Variants in MARK3 observed in about 807,000 individuals in gnomAD.
MARK3 encodes microtubule affinity regulating kinase 3.
In MARK3, 46 loss-of-function variants were observed where a neutral mutation model predicts 90.1. The observed-to-expected ratio is 0.51, with a 90% CI of 0.40 to 0.65. The LOEUF (loss-of-function observed/expected upper bound fraction) is 0.65. Ranked by LOEUF, MARK3 falls within the 30% of genes least tolerant of loss-of-function variation. The pLI is 0.00. For missense variants in MARK3, 818 were observed against 947.2 expected (o/e 0.86, Z 1.79); for synonymous variants, 321 against 332.6 (o/e 0.97, Z 0.38).
intron 2 of MARK3, among the ~76,000 whole-genome samples, chr14:103,426,378 A>G (rs984601057): frequency 1.3e-5 from 2 of 152,016 alleles, no homozygotes; most frequent in South Asian, 2.1e-4. Flanking sequence ...AAAGTGTAAA[A>G]GGGACCAAAA....
At chr14:103,481,753 A>ATTTTTTTTTT (rs1555400573) in intron 14 of MARK3, among the ~76,000 whole-genome samples, 10 of 51,016 alleles carry the variant, frequency 2.0e-4, no homozygotes, top group South Asian at 6.4e-4. Context: ...TGATATAGGT[A>ATTTTTTTTTT]TTTCTTTTTT....
rs1172672081 is a variant in MARK3 at position 103,448,980 on chromosome 14, T to A, written c.346+13T>A. The stretch of plus-strand genomic sequence containing the variant: ...CATCCCAATATAGGTACTTTCTGCT[T>A]TTTTAAATATTTTGGGGTCTAAATA... On this transcript the variant is annotated intron_variant, in intron 4 of 17. Transcript: ENST00000429436. 2 of 1,562,492 alleles carry A rather than the reference T, an allele frequency of 1.3e-6. No homozygotes were observed. The highest frequency in any genetic ancestry group is 1.7e-6 in the Non-Finnish European group (2 of 1,148,078).
intron 4 of MARK3, among the ~76,000 whole-genome samples, chr14:103,450,913 TGTG>T: frequency 8.6e-6 from 1 of 115,722 alleles, no homozygotes; most frequent in Non-Finnish European, 1.8e-5. Context: ...TGTGTGTGTG[TGTG>T]TATTCTTTTT....
intron 1 of MARK3, 39 bp downstream of exon 1, chr14:103,386,119 G>GTGGC (rs1566743468): frequency 6.3e-7 from 1 of 1,594,760 alleles, no homozygotes; most frequent in Non-Finnish European, 8.6e-7. Context: ...GACCTTCGGG[G>GTGGC]TGGCATTCGT....
intron 1 of MARK3, among the ~76,000 whole-genome samples, chr14:103,398,126 A>G (rs914580180): frequency 2.6e-5 from 4 of 152,176 alleles, no homozygotes; most frequent in African/African-American, 7.2e-5. Flanking sequence ...AGAGGTGCAC[A>G]TGTTAATTTT....
chr14:103,450,959 C>T (rs1481991402), intron 4 of MARK3, among the ~76,000 whole-genome samples: 2 of 107,918 alleles, frequency 1.9e-5, no homozygotes, highest in African/African-American at 7.2e-5. Context: ...GAGACAGGGT[C>T]TAGCTCTGTT....
intron 12 of MARK3, among the ~76,000 whole-genome samples, chr14:103,473,570 A>G (rs1345568865): frequency 6.6e-6 from 1 of 152,186 alleles, no homozygotes; most frequent in Non-Finnish European, 1.5e-5. Flanking sequence ...TTTTTGTTTT[A>G]TATGTTAAAA....
chr14:103,488,384 A>C (rs1270535728), intron 14 of MARK3, among the ~76,000 whole-genome samples: 1 of 152,174 alleles, frequency 6.6e-6, no homozygotes, highest in Non-Finnish European at 1.5e-5. Context: ...TGTGGGGCCT[A>C]GAGTTACTTC....
At chr14:103,392,652 A>G (rs1357846861) in intron 1 of MARK3, among the ~76,000 whole-genome samples, 4 of 152,312 alleles carry the variant, frequency 2.6e-5, no homozygotes, top group South Asian at 4.1e-4. Flanking sequence ...TTGAGTTTTC[A>G]GGTTCCATGA....
intron 1 of MARK3, among the ~76,000 whole-genome samples, chr14:103,394,491 A>G (rs1158630085): frequency 2.0e-5 from 3 of 152,054 alleles, no homozygotes; most frequent in South Asian, 2.1e-4. Flanking sequence ...CTAGCACTAC[A>G]CTCTAGCCAC....
intron 1 of MARK3, among the ~76,000 whole-genome samples, chr14:103,403,391 A>G (rs146252191): frequency 1.1e-3 from 172 of 151,164 alleles, no homozygotes; most frequent in African/African-American, 3.1e-3. Flanking sequence ...TAAATATTCA[A>G]TGAATGAATG....
At chr14:103,459,477 T>C (rs1171595139) in intron 6 of MARK3, among the ~76,000 whole-genome samples, 1 of 152,070 alleles carries the variant, frequency 6.6e-6, no homozygotes, top group East Asian at 1.9e-4. Flanking sequence ...GTTTCCACTT[T>C]TCTGTTTCAA....
At chr14:103,430,110 G>A (rs2092536612) in intron 3 of MARK3, among the ~76,000 whole-genome samples, 1 of 152,096 alleles carries the variant, frequency 6.6e-6, no homozygotes, top group Non-Finnish European at 1.5e-5. Context: ...ATTTGCATCT[G>A]AATTAATTTT....
chr14:103,467,270 T>G, intron 11 of MARK3, 79 bp downstream of exon 11: 1 of 647,642 alleles, frequency 1.5e-6, no homozygotes, highest in East Asian at 2.9e-5. Context: ...GTTTTTATCT[T>G]TTGAATATTT....
intron 13 of MARK3, among the ~76,000 whole-genome samples, chr14:103,478,648 T>A (rs1460688319): frequency 1.3e-5 from 2 of 150,336 alleles, no homozygotes; most frequent in African/African-American, 2.5e-5. Flanking sequence ...CAAGCGATTC[T>A]CCTGCCTCAG....
At chr14:103,476,208 A>G (rs1342991503) in intron 13 of MARK3, among the ~76,000 whole-genome samples, 1 of 152,194 alleles carries the variant, frequency 6.6e-6, no homozygotes, top group Admixed American at 6.5e-5. Flanking sequence ...AAGACCTCAC[A>G]GTCTAACAGG....
At chr14:103,392,305 A>T (rs2090308234) in intron 1 of MARK3, among the ~76,000 whole-genome samples, 1 of 152,228 alleles carries the variant, frequency 6.6e-6, no homozygotes, top group African/African-American at 2.4e-5. Context: ...TGCTCCTTGC[A>T]GGACAAAGCA....
At chr14:103,452,838 G>A (rs935173250) in intron 5 of MARK3, among the ~76,000 whole-genome samples, 1 of 152,214 alleles carries the variant, frequency 6.6e-6, no homozygotes, top group Admixed American at 6.5e-5. Context: ...CCATGCTGTA[G>A]CATGTGTCAG....
In MARK3 at chr14:103,399,722, A is replaced by G. The variant is rs1311757189; in HGVS notation, c.52-5354A>G. ...CTCAAAAAAAAAAAAAGAAAAAAAA[A>G]AAAAAGAAAGGAATTTGGAGGTATG... On this transcript the variant is annotated intron_variant, in intron 1 of 17. Coordinates refer to ENST00000429436, the MANE Select transcript of MARK3 (RefSeq NM_001128918.3). Among the ~76,000 whole-genome samples, 3 of 151,604 alleles carry G rather than the reference A, an allele frequency of 2.0e-5. No homozygotes were observed. The East Asian group carries it at 5.8e-4, about 29-fold the overall frequency.
Sources: gnomAD v4.1 joint callset for allele counts (sites outside exome capture counted in the v4.1 genomes callset) on GRCh38, gnomAD v4.1.1 for gene constraint, MANE v1.5 for transcripts, NCBI Gene and HGNC (gene_info 2026-07-23, HGNC 2026-07-21) for gene names.